Variants in FBXO11 observed in about 807,000 individuals in gnomAD.
The protein encoded by FBXO11 is F-box only protein 11.
FBXO11 carries 13 observed loss-of-function variants against 117.0 expected under a neutral mutation model. The observed-to-expected ratio is 0.11, with a 90% CI of 0.07 to 0.18. The LOEUF (loss-of-function observed/expected upper bound fraction) is 0.18, where lower values mean the gene tolerates loss of function less well. FBXO11 is among the 10% of genes least tolerant of loss of function. The pLI is 1.00. For synonymous variants in FBXO11, 490 were observed against 380.5 expected (o/e 1.29, Z -3.35); for missense variants, 767 against 1,164.4 (o/e 0.66, Z 4.97).
intron 7 of FBXO11, 141 bp from the exon 8 acceptor site, chr2:47,833,211 C>A: frequency 1.6e-6 from 1 of 616,126 alleles, no homozygotes; most frequent in South Asian, 2.0e-5. Flanking sequence ...GTTTCATCAT[C>A]AGCCTTTGCT....
rs189408573 is a variant in FBXO11 at position 47,835,749 on chromosome 2, C to G, written c.717+123G>C. On this transcript the variant is annotated intron_variant, in intron 5 of 22. Transcript: ENST00000403359. The stretch of plus-strand genomic sequence containing the variant: ...CTGACCTCAGGTAATCCTCCTACCT[C>G]GGCCTCCCAAGGTGCTGGGATTACA... 979 of 589,336 alleles carry G rather than the reference C, an allele frequency of 1.7e-3. 5 individuals are homozygous for G. The African/African-American group carries it at 0.018, about 11-fold the overall frequency. The allele number at this position is 589,336 out of a possible 1,614,324, so 36.5% of individuals were successfully genotyped here.
At chr2:47,850,378 T>C (rs1005326508) in intron 1 of FBXO11, among the ~76,000 whole-genome samples, 1 of 151,978 alleles carries the variant, frequency 6.6e-6, no homozygotes, top group African/African-American at 2.4e-5. Context: ...CATTAGTGAG[T>C]CATTTGGGTT....
At chr2:47,824,990 C>T (rs376289993) in intron 11 of FBXO11, among the ~76,000 whole-genome samples, 1 of 152,100 alleles carries the variant, frequency 6.6e-6, no homozygotes, top group African/African-American at 2.4e-5. Context: ...TTATATATGT[C>T]CATTTCTACC....
At chr2:47,870,242 T>C (rs1009683830) in intron 1 of FBXO11, among the ~76,000 whole-genome samples, 6 of 152,202 alleles carry the variant, frequency 3.9e-5, no homozygotes, top group African/African-American at 1.4e-4. Context: ...TATTGCTACT[T>C]ACCATCTCAT....
At position 47,832,923 on chromosome 2, in the gene FBXO11, T is replaced by A. The variant is rs1457128142; in HGVS notation, c.1041+41A>T. 4 of 1,605,760 alleles carry A rather than the reference T, an allele frequency of 2.5e-6. No homozygotes were observed. In the Admixed American group the frequency reaches 5.0e-5, roughly 20 times the overall value. ...TGTTTGAAATAAACAATTACTGCCT[T>A]TATGATTTCAATGTGTATTTTAAAT... On this transcript the variant is annotated intron_variant, in intron 8 of 22. Coordinates refer to ENST00000403359, the MANE Select transcript of FBXO11 (RefSeq NM_001190274.2).
intron 1 of FBXO11, among the ~76,000 whole-genome samples, chr2:47,871,210 G>C (rs145140656): frequency 2.3e-4 from 35 of 152,148 alleles, no homozygotes; most frequent in Non-Finnish European, 5.1e-4. Context: ...ACAAAGCCAC[G>C]TGCCCTATCA....
At chr2:47,901,623 T>G (rs893302232) in intron 1 of FBXO11, among the ~76,000 whole-genome samples, 2 of 152,112 alleles carry the variant, frequency 1.3e-5, no homozygotes, top group Non-Finnish European at 2.9e-5. Context: ...TTTTTTGAGA[T>G]GGAGTCTCAT....
At chr2:47,893,724 T>C (rs1677441693) in intron 1 of FBXO11, among the ~76,000 whole-genome samples, 1 of 152,184 alleles carries the variant, frequency 6.6e-6, no homozygotes, top group African/African-American at 2.4e-5. Context: ...TTAGAGCATC[T>C]CAGAAGTCAT....
rs1269231250 is a variant in FBXO11 at position 47,808,308 on chromosome 2, TCAAG to T, written c.2654+17_2654+20del. The T allele has an allele frequency of 6.2e-7, 1 of 1,612,506 alleles. No individual in the cohort carries two copies. The highest frequency in any genetic ancestry group is 2.2e-5 in the East Asian group (1 of 44,866). ...AGGGGGAAAGTAATTGGGTAATATATCAAGCAAGTGTGCTACATACCTATCATGT... is the reference window on the plus strand; with the variant it reads ...AGGGGGAAAGTAATTGGGTAATATATCAAGTGTGCTACATACCTATCATGT... On this transcript the variant is annotated intron_variant, in intron 22 of 22. Coordinates refer to ENST00000403359, the MANE Select transcript of FBXO11 (RefSeq NM_001190274.2).
Position 47,906,356 on chromosome 2 carries a change from A to G in FBXO11, c.-636T>C, listed in dbSNP as rs1321717958. ...AAGGGGAAATGAGTGTGAAGGGAGG[A>G]GATAGGGGGAAAAAGAGGCGTCGTC... is the stretch of plus-strand genomic sequence containing the variant. On this transcript the variant is annotated 5_prime_UTR_variant, in exon 1 of 23. Transcript: ENST00000403359. Among the ~76,000 whole-genome samples the G allele has an allele frequency of 3.3e-5, 5 of 151,196 alleles. No individual in the cohort carries two copies. The highest frequency in any genetic ancestry group is 7.4e-5 in the Non-Finnish European group (5 of 67,772).
rs182706300 is a variant in FBXO11, at chr2:47,894,646, T to C, written c.232+10843A>G. On this transcript the variant is annotated intron_variant, in intron 1 of 22. Coordinates refer to ENST00000403359, the MANE Select transcript of FBXO11 (RefSeq NM_001190274.2). ...ATCAAAGTGATATTAAGTTAGTGAATAAACTTTCTGACTAGTGGGAAAAAA... is the reference window on the plus strand; with the variant it reads ...ATCAAAGTGATATTAAGTTAGTGAACAAACTTTCTGACTAGTGGGAAAAAA... 3.3e-5 allele frequency among the ~76,000 whole-genome samples: 5 copies of C among 152,320 alleles called. No homozygotes were observed. In the East Asian group the frequency reaches 9.6e-4, roughly 29 times the overall value.
At chr2:47,833,156 A>ATGTTT in intron 7 of FBXO11, 86 bp from the exon 8 acceptor site, 6 of 813,460 alleles carry the variant, frequency 7.4e-6, no homozygotes, top group Non-Finnish European at 1.2e-5. Context: ...TACTAAAAAC[A>ATGTTT]TTAGTACTGA....
At chr2:47,901,122 T>G (rs1292245517) in intron 1 of FBXO11, among the ~76,000 whole-genome samples, 1 of 100,722 alleles carries the variant, frequency 9.9e-6, no homozygotes, top group Non-Finnish European at 2.1e-5. Context: ...TGTACACACG[T>G]GTGTACATGT....
At chr2:47,819,247 C>G (rs934423743) in intron 14 of FBXO11, among the ~76,000 whole-genome samples, 169 bp from the exon 15 acceptor site, 2 of 152,104 alleles carry the variant, frequency 1.3e-5, no homozygotes, top group Non-Finnish European at 2.9e-5. Context: ...AATGGAGTCT[C>G]GCTCTGTCGC....
chr2:47,879,445 T>C (rs1313862565), intron 1 of FBXO11, among the ~76,000 whole-genome samples: 1 of 152,176 alleles, frequency 6.6e-6, no homozygotes, highest in African/African-American at 2.4e-5. Flanking sequence ...CAACTTTTGT[T>C]TTTGCCTAAT....
chr2:47,824,805 T>C (rs1671629097), intron 11 of FBXO11, among the ~76,000 whole-genome samples: 1 of 152,224 alleles, frequency 6.6e-6, no homozygotes, highest in Non-Finnish European at 1.5e-5. Flanking sequence ...TGTTTTACTT[T>C]TATAATGATA....
intron 1 of FBXO11, among the ~76,000 whole-genome samples, chr2:47,859,063 A>G (rs1162225729): frequency 1.3e-5 from 2 of 150,810 alleles, no homozygotes; most frequent in Non-Finnish European, 3.0e-5. Context: ...AAAAAAGAAA[A>G]GAAAAGAAAA....
chr2:47,897,564 G>C (rs1677768063), intron 1 of FBXO11, among the ~76,000 whole-genome samples: 1 of 152,062 alleles, frequency 6.6e-6, no homozygotes, highest in African/African-American at 2.4e-5. Context: ...AGGCATGGTG[G>C]TGTGCACCTA....
At chr2:47,890,942 T>C (rs912277879) in intron 1 of FBXO11, among the ~76,000 whole-genome samples, 12 of 152,078 alleles carry the variant, frequency 7.9e-5, no homozygotes, top group Admixed American at 7.2e-4. Context: ...CTCAGCCTCC[T>C]GAGCAGTTGG....
Sources: gnomAD v4.1 joint callset for allele counts (sites outside exome capture counted in the v4.1 genomes callset) on GRCh38, gnomAD v4.1.1 for gene constraint, MANE v1.5 for transcripts, NCBI Gene and HGNC (gene_info 2026-07-23, HGNC 2026-07-21) for gene names.